MRTFB: variants seen among roughly 807,000 people sequenced by gnomAD.
The protein encoded by MRTFB is myocardin-related transcription factor B.
Under a neutral mutation model 104.2 loss-of-function variants are expected in MRTFB, and 29 were observed. The ratio of observed to expected loss-of-function variants is 0.28; its 90% confidence interval spans 0.21 to 0.38. The LOEUF is 0.38. MRTFB is among the 10% of genes least tolerant of loss of function. MRTFB has a pLI of 1.00. For synonymous variants in MRTFB, 535 were observed against 519.5 expected (o/e 1.03, Z -0.41); for missense variants, 1,270 against 1,341.6 (o/e 0.95, Z 0.83).
chr16:13,997,401 T>A, the MRTFB span, among the ~76,000 whole-genome samples: 1 of 152,196 alleles, frequency 6.6e-6, no homozygotes, highest in African/African-American at 2.4e-5. Flanking sequence ...TACTATTGTA[T>A]TTTGTCTCTT....
the MRTFB span, among the ~76,000 whole-genome samples, chr16:14,052,258 A>T: frequency 6.6e-6 from 1 of 152,070 alleles, no homozygotes; most frequent in Non-Finnish European, 1.5e-5. Context: ...AGGATTGAGG[A>T]TTCTATTCTT....
chr16:14,213,473 A>G, intron 5 of MRTFB, 72 bp from the exon 6 acceptor site: 1 of 1,062,340 alleles, frequency 9.4e-7, no homozygotes, highest in Non-Finnish European at 1.4e-6. Flanking sequence ...TTTAAATGGA[A>G]TACCTTAAAG....
At chr16:14,074,669 T>G (rs2033929518) in intron 1 of MRTFB, among the ~76,000 whole-genome samples, 1 of 152,180 alleles carries the variant, frequency 6.6e-6, no homozygotes, top group Non-Finnish European at 1.5e-5. Flanking sequence ...TAAAAATTAT[T>G]ACATAATTTT....
At chr16:14,110,350 CTG>C (rs2036209001) in intron 2 of MRTFB, among the ~76,000 whole-genome samples, 1 of 152,222 alleles carries the variant, frequency 6.6e-6, no homozygotes, top group African/African-American at 2.4e-5. Flanking sequence ...AAATAGGAAA[CTG>C]AGAATGGATC....
chr16:14,245,725 G>A (rs112863549), intron 11 of MRTFB, 65 bp downstream of exon 11: 107 of 1,544,900 alleles, frequency 6.9e-5, no homozygotes, highest in Middle Eastern at 1.7e-4. Flanking sequence ...ATTTGCCAGC[G>A]TTGTCTAGCA....
intron 2 of MRTFB, among the ~76,000 whole-genome samples, chr16:14,115,431 A>G (rs1267237736): frequency 2.0e-5 from 3 of 152,234 alleles, no homozygotes; most frequent in Non-Finnish European, 4.4e-5. Context: ...AAGCATAGTG[A>G]CAGATAAATA....
intron 3 of MRTFB, among the ~76,000 whole-genome samples, chr16:14,156,554 C>A (rs1022582565): frequency 6.6e-6 from 1 of 152,156 alleles, no homozygotes; most frequent in South Asian, 2.1e-4. Context: ...ATAGAAGATA[C>A]CGTGCTAGGG....
intron 3 of MRTFB, among the ~76,000 whole-genome samples, chr16:14,162,798 T>C (rs937007988): frequency 6.6e-6 from 1 of 152,216 alleles, no homozygotes; most frequent in African/African-American, 2.4e-5. Flanking sequence ...GGTTTCCTGA[T>C]GCCAGTTGTG....
the MRTFB span, among the ~76,000 whole-genome samples, chr16:13,995,146 A>T: frequency 1.3e-5 from 2 of 152,174 alleles, no homozygotes; most frequent in African/African-American, 4.8e-5. Context: ...ATCTTCGGAT[A>T]AAAAGAGACC....
chr16:14,202,524 A>G (rs543672720), intron 3 of MRTFB, among the ~76,000 whole-genome samples: 17 of 152,314 alleles, frequency 1.1e-4, no homozygotes, highest in East Asian at 5.8e-4. Flanking sequence ...AAAATAAACT[A>G]TTCACAGCAG....
chr16:14,200,846 A>G (rs1194974685), intron 3 of MRTFB: 3 of 1,461,118 alleles, frequency 2.1e-6, no homozygotes, highest in Non-Finnish European at 2.9e-6. Context: ...GTGGTGCTAC[A>G]AGGTGCCAAC....
At chr16:14,108,116 T>A (rs2036085217) in intron 2 of MRTFB, among the ~76,000 whole-genome samples, 1 of 152,192 alleles carries the variant, frequency 6.6e-6, no homozygotes, top group African/African-American at 2.4e-5. Context: ...GGCTTCAGTC[T>A]TTAGACCAGG....
the MRTFB span, among the ~76,000 whole-genome samples, chr16:14,032,141 G>C: frequency 6.6e-6 from 1 of 152,212 alleles, no homozygotes; most frequent in Non-Finnish European, 1.5e-5. Context: ...TACAGACTAG[G>C]AGACAGCGTC....
At chr16:14,083,354 C>T (rs2034518578) in intron 2 of MRTFB, among the ~76,000 whole-genome samples, 1 of 152,104 alleles carries the variant, frequency 6.6e-6, no homozygotes, top group Non-Finnish European at 1.5e-5. Context: ...CTCCTGAAGC[C>T]ACTGAGGGTA....
intron 2 of MRTFB, among the ~76,000 whole-genome samples, chr16:14,099,670 CTTTT>C (rs200952464): frequency 7.3e-6 from 1 of 136,336 alleles, no homozygotes; most frequent in Non-Finnish European, 1.6e-5. Flanking sequence ...CTTTTCTTTT[CTTTT>C]TTTTTTTTTT....
chr16:14,158,782 C>A (rs749404864), intron 3 of MRTFB, among the ~76,000 whole-genome samples: 7 of 151,996 alleles, frequency 4.6e-5, no homozygotes, highest in Non-Finnish European at 8.8e-5. Context: ...GTTGAACTTG[C>A]CTAGATTCCC....
the MRTFB span, among the ~76,000 whole-genome samples, chr16:14,038,888 A>G: frequency 6.6e-5 from 10 of 151,950 alleles, no homozygotes; most frequent in East Asian, 6.1e-4. Context: ...GCAGAAGGCA[A>G]AAGGCACATC....
intron 3 of MRTFB, among the ~76,000 whole-genome samples, chr16:14,146,298 T>C (rs2038310924): frequency 6.6e-6 from 1 of 152,190 alleles, no homozygotes; most frequent in Admixed American, 6.5e-5. Context: ...CACTATGAAG[T>C]AGTCAGTGTG....
chr16:14,047,588 C>T, the MRTFB span, among the ~76,000 whole-genome samples: 1 of 152,118 alleles, frequency 6.6e-6, no homozygotes, highest in Non-Finnish European at 1.5e-5. Context: ...CTGGGGAGGC[C>T]TCACAATCAT....
Sources: allele counts gnomAD v4.1 joint callset (sites outside exome capture counted in the v4.1 genomes callset), GRCh38; gene constraint gnomAD v4.1.1; transcripts MANE v1.5; gene names NCBI Gene and HGNC (gene_info 2026-07-23, HGNC 2026-07-21).